Variants in PRKAR1A observed in about 807,000 individuals in gnomAD.
PRKAR1A encodes the protein protein kinase cAMP-dependent type I regulatory subunit alpha.
A neutral mutation model predicts 52.0 loss-of-function variants in PRKAR1A; 3 were observed. That is an observed-to-expected ratio of 0.06 (90% CI 0.03 to 0.15). The LOEUF is 0.15. Among genes scored for constraint, PRKAR1A ranks in the 10% least tolerant of loss-of-function variants. The pLI, the probability that PRKAR1A is intolerant of heterozygous loss-of-function variation, is 1.00. For synonymous variants in PRKAR1A, 188 were observed against 168.4 expected (o/e 1.12, Z -0.90); for missense variants, 240 against 477.4 (o/e 0.50, Z 4.63).
the PRKAR1A span, among the ~76,000 whole-genome samples, chr17:68,446,464 G>A: frequency 6.6e-6 from 1 of 152,150 alleles, no homozygotes; most frequent in Non-Finnish European, 1.5e-5. Flanking sequence ...TTACAAGCAT[G>A]AGCTACTGTG....
the PRKAR1A span, among the ~76,000 whole-genome samples, chr17:68,450,384 TC>T: frequency 6.6e-6 from 1 of 152,144 alleles, no homozygotes; most frequent in Admixed American, 6.5e-5. Flanking sequence ...GAAGAGTCGC[TC>T]CTCTGATTTA....
downstream of PRKAR1A, among the ~76,000 whole-genome samples, chr17:68,534,396 T>C (rs543737413): frequency 6.6e-6 from 1 of 152,290 alleles, no homozygotes; most frequent in South Asian, 2.1e-4. Context: ...TGCTAAACTT[T>C]ATTTGTAACC....
the PRKAR1A span, among the ~76,000 whole-genome samples, chr17:68,504,817 ATAAT>A: frequency 6.6e-6 from 1 of 152,254 alleles, no homozygotes; most frequent in Non-Finnish European, 1.5e-5. Flanking sequence ...ACATTTAAAA[ATAAT>A]TAAAAGAGTA....
At chr17:68,427,058 G>T in the PRKAR1A span, 1 of 1,228,110 alleles carries the variant, frequency 8.1e-7, no homozygotes, top group Non-Finnish European at 1.2e-6. Flanking sequence ...GAAGGGGGAA[G>T]GGGAGGGAGC....
At chr17:68,420,539 C>CT in the PRKAR1A span, 1 of 1,491,832 alleles carries the variant, frequency 6.7e-7, no homozygotes, top group Non-Finnish European at 9.2e-7. Flanking sequence ...TTTTTACCCT[C>CT]TTTACAAACA....
the PRKAR1A span, among the ~76,000 whole-genome samples, chr17:68,431,461 G>T: frequency 6.6e-6 from 1 of 152,080 alleles, no homozygotes; most frequent in African/African-American, 2.4e-5. Flanking sequence ...TGGCTGCTGG[G>T]CTCTGCAGCA....
At chr17:68,472,800 G>T in the PRKAR1A span, among the ~76,000 whole-genome samples, 1 of 151,920 alleles carries the variant, frequency 6.6e-6, no homozygotes, top group African/African-American at 2.4e-5. Flanking sequence ...ACAAAAATTA[G>T]CTGGGCGTGG....
chr17:68,527,993 T>TG, intron 8 of PRKAR1A, 93 bp downstream of exon 8: 1 of 1,083,822 alleles, frequency 9.2e-7, no homozygotes, highest in Non-Finnish European at 1.4e-6. Context: ...AAAGTATAAT[T>TG]GCTACTCATT....
the PRKAR1A span, among the ~76,000 whole-genome samples, chr17:68,451,603 C>G: frequency 2.0e-5 from 3 of 152,188 alleles, no homozygotes; most frequent in Non-Finnish European, 4.4e-5. Context: ...TACCCTTTCC[C>G]TGAGAGATTT....
intron 11 of PRKAR1A, chr17:68,541,441 C>T: frequency 5.1e-6 from 1 of 196,516 alleles, no homozygotes; most frequent in South Asian, 9.7e-5. Context: ...TCTGTCATGT[C>T]CTCCAGAAAT....
the PRKAR1A span, among the ~76,000 whole-genome samples, chr17:68,444,955 C>T: frequency 1.7e-5 from 2 of 118,278 alleles, no homozygotes; most frequent in African/African-American, 3.3e-5. Context: ...GAGTCTCACT[C>T]TGTCACCCAG....
chr17:68,416,259 CCTT>C, the PRKAR1A span, among the ~76,000 whole-genome samples: 1 of 151,900 alleles, frequency 6.6e-6, no homozygotes, highest in Non-Finnish European at 1.5e-5. Flanking sequence ...TTGTTTGTAT[CCTT>C]CTTTCATATA....
chr17:68,536,017 C>T (rs923948948), downstream of PRKAR1A: 2 of 454,120 alleles, frequency 4.4e-6, no homozygotes, highest in Non-Finnish European at 8.8e-6. Context: ...CTGTGTGTTG[C>T]TTCTGTAGCG....
the PRKAR1A span, chr17:68,450,801 T>C: frequency 6.2e-7 from 1 of 1,614,156 alleles, no homozygotes; most frequent in South Asian, 1.1e-5. Context: ...TTTCTTGAAG[T>C]GATACACGTT....
the PRKAR1A span, among the ~76,000 whole-genome samples, chr17:68,486,525 CTTTCTTTCTT>C: frequency 9.0e-6 from 1 of 111,598 alleles, no homozygotes; most frequent in Non-Finnish European, 1.9e-5. Context: ...TTCTTTCTTT[CTTTCTTTCTT>C]TCTTTCTTTC....
the PRKAR1A span, among the ~76,000 whole-genome samples, chr17:68,493,188 G>C: frequency 6.6e-6 from 1 of 152,028 alleles, no homozygotes; most frequent in African/African-American, 2.4e-5. Context: ...TGGATGCTGG[G>C]CTTGATACCC....
the PRKAR1A span, among the ~76,000 whole-genome samples, chr17:68,414,726 G>A: frequency 6.6e-6 from 1 of 152,092 alleles, no homozygotes; most frequent in Admixed American, 6.5e-5. Context: ...TTATTGGTTT[G>A]TTCAGGGTAT....
At chr17:68,525,166 A>AGT (rs1568697803) in intron 6 of PRKAR1A, among the ~76,000 whole-genome samples, 2 of 151,992 alleles carry the variant, frequency 1.3e-5, no homozygotes. Context: ...GTGGTGAAGA[A>AGT]GTGTGTGTAG....
chr17:68,547,933 G>T (rs192633437), intron 11 of PRKAR1A, among the ~76,000 whole-genome samples: 1 of 152,082 alleles, frequency 6.6e-6, no homozygotes, highest in African/African-American at 2.4e-5. Flanking sequence ...ATAATTTCTC[G>T]CTTCCCATTT....
Sources: allele counts gnomAD v4.1 joint callset (sites outside exome capture counted in the v4.1 genomes callset), GRCh38; gene constraint gnomAD v4.1.1; transcripts MANE v1.5; gene names NCBI Gene and HGNC (gene_info 2026-07-23, HGNC 2026-07-21).